Variants in COBL observed in about 807,000 individuals in gnomAD.
The protein encoded by COBL is cordon-bleu WH2 repeat protein.
COBL carries 51 observed loss-of-function variants against 98.8 expected under a neutral mutation model. That is an observed-to-expected ratio of 0.52 (90% CI 0.41 to 0.65). The LOEUF (loss-of-function observed/expected upper bound fraction) is 0.65. Among genes scored for constraint, COBL ranks in the 30% least tolerant of loss-of-function variants. COBL has a pLI of 0.00. For synonymous variants in COBL, 634 were observed against 651.7 expected (o/e 0.97, Z 0.41); for missense variants, 1,617 against 1,617.5 (o/e 1.00, Z 0.01).
chr7:51,308,262 C>T (rs556564667), intron 1 of COBL, among the ~76,000 whole-genome samples: 4 of 152,314 alleles, frequency 2.6e-5, no homozygotes, highest in East Asian at 3.9e-4. Flanking sequence ...GTATACACTT[C>T]GGCTGCATTA....
chr7:51,199,739 A>G (rs996049741), intron 2 of COBL, among the ~76,000 whole-genome samples: 1 of 152,050 alleles, frequency 6.6e-6, no homozygotes, highest in Admixed American at 6.5e-5. Flanking sequence ...AAAAAGAATC[A>G]GTAAATCTGA....
At chr7:51,268,310 C>T (rs963395476) in intron 1 of COBL, among the ~76,000 whole-genome samples, 16 of 152,242 alleles carry the variant, frequency 1.1e-4, no homozygotes, top group African/African-American at 1.9e-4. Flanking sequence ...ATCAATGCAC[C>T]CTGCACCATG....
chr7:51,023,255 A>C (rs775342686), intron 12 of COBL, among the ~76,000 whole-genome samples: 1 of 152,192 alleles, frequency 6.6e-6, no homozygotes, highest in Non-Finnish European at 1.5e-5. Flanking sequence ...ATCAACACAT[A>C]AATTCCACAG....
At chr7:51,216,453 G>A (rs1006974395) in intron 2 of COBL, among the ~76,000 whole-genome samples, 2 of 152,156 alleles carry the variant, frequency 1.3e-5, no homozygotes, top group Admixed American at 6.6e-5. Context: ...TTACAGGCAT[G>A]AGCCACTGCA....
chr7:51,164,095 T>C (rs893945547), intron 5 of COBL, among the ~76,000 whole-genome samples: 1 of 152,234 alleles, frequency 6.6e-6, no homozygotes, highest in African/African-American at 2.4e-5. Context: ...GAGTTTTATC[T>C]CTTTCCTTTA....
At position 51,025,141 on chromosome 7, in the gene COBL, G is replaced by C. The variant is rs370542629; in HGVS notation, c.3736C>G (p.Arg1246Gly). Reference protein sequence around the residue: ...DARQALMDAIRSGTGAARLRK... With the variant: ...DARQALMDAIGSGTGAARLRK... ...AGTCTCGCAGCCCCTGTGCCGGAGC[G>C]GATGGCGTCCATCAAGGCTTGCCTT... The change falls in exon 12 of 13, where the codon CGC becomes GGC. Residue 1246 changes from arginine (R) to glycine (G), a missense_variant. By Grantham distance (125) the Arg-to-Gly change is moderately radical. Around this residue, in one of 3 missense-constraint regions of COBL, gnomAD observed 1,304 missense variants for 1,282.0 expected, o/e 1.02. Transcript: ENST00000265136. 4 of 1,611,776 alleles carry C rather than the reference G, an allele frequency of 2.5e-6. No individual in the cohort carries two copies. In the African/African-American group the frequency reaches 5.3e-5, roughly 22 times the overall value.
intron 6 of COBL, among the ~76,000 whole-genome samples, chr7:51,113,131 C>T (rs141078015): frequency 1.3e-5 from 2 of 152,290 alleles, no homozygotes; most frequent in East Asian, 3.9e-4. Context: ...AATAGACTTC[C>T]ACCCAGGATG....
chr7:51,065,799 T>C (rs1791864907), intron 7 of COBL, among the ~76,000 whole-genome samples: 1 of 152,234 alleles, frequency 6.6e-6, no homozygotes, highest in African/African-American at 2.4e-5. Flanking sequence ...ATTATTAGGA[T>C]AAGGTCTTTT....
intron 1 of COBL, among the ~76,000 whole-genome samples, chr7:51,268,901 G>A (rs1383156399): frequency 6.8e-6 from 1 of 146,602 alleles, no homozygotes; most frequent in Non-Finnish European, 1.5e-5. Flanking sequence ...TTGCACTCCA[G>A]CCTGGGTGAC....
At position 51,043,686 on chromosome 7, in the gene COBL, A is replaced by C; in HGVS notation, c.1103T>G (p.Leu368Arg). Residue 368 changes from leucine to arginine, a missense_variant, in exon 8 of 13, where the codon CTG (leucine) becomes CGG (arginine). Leu to Arg is a moderately radical substitution (Grantham distance 102, BLOSUM62 -2). This residue lies in a region of COBL where 1,304 missense variants were observed against 1,282.0 expected (regional missense o/e 1.02). Transcript: ENST00000265136. ...GCAGTGGCTGCCAGACCCCAGGGGC[A>C]GGCTTACTGGACAAGACACGGCAAG... ...EENRKSTMVS[L>R]PLGSGSHCSP... 6.2e-7 allele frequency: 1 copy of C among 1,612,984 alleles called. No individual in the cohort carries two copies. The highest frequency in any genetic ancestry group is 8.5e-7 in the Non-Finnish European group (1 of 1,179,756).
In COBL at chr7:51,154,684, G is replaced by A. The variant is rs139662748; in HGVS notation, c.784-18353C>T. Among the ~76,000 whole-genome samples the A allele has an allele frequency of 3.8e-3, 573 of 152,310 alleles. 2 individuals carry two copies. Among genetic ancestry groups the A allele is most frequent in the Non-Finnish European group, 6.5e-3 (441 of 68,020 alleles). On this transcript the variant is annotated intron_variant, in intron 5 of 12. Coordinates refer to ENST00000265136, the MANE Select transcript of COBL (RefSeq NM_015198.5). ...CACATCCCAATCCCAACCTAAAGGT[G>A]TGGAGCCAGCAGGTAAGAGGAGAGG...
At chr7:51,068,480 G>A (rs1280266267) in intron 7 of COBL, among the ~76,000 whole-genome samples, 5 of 152,114 alleles carry the variant, frequency 3.3e-5, no homozygotes, top group African/African-American at 1.2e-4. Context: ...CCTATATTTT[G>A]CTAACTTTCC....
chr7:51,246,548 G>A (rs994244303), intron 1 of COBL, among the ~76,000 whole-genome samples: 2 of 152,196 alleles, frequency 1.3e-5, no homozygotes, highest in Non-Finnish European at 1.5e-5. Flanking sequence ...GTCAGCCCCC[G>A]TGAGGTGGAG....
intron 1 of COBL, among the ~76,000 whole-genome samples, chr7:51,266,116 A>G (rs1195819740): frequency 6.6e-6 from 1 of 152,234 alleles, no homozygotes; most frequent in Non-Finnish European, 1.5e-5. Context: ...AAACATTTTA[A>G]TTTTGTAAGA....
chr7:51,022,020 T>C (rs1404091100), intron 12 of COBL, among the ~76,000 whole-genome samples: 2 of 152,106 alleles, frequency 1.3e-5, no homozygotes, highest in Admixed American at 6.5e-5. Flanking sequence ...GATCACCCAA[T>C]TCCTGCCCTC....
At chr7:51,264,260 T>A (rs1342619448) in intron 1 of COBL, among the ~76,000 whole-genome samples, 1 of 152,166 alleles carries the variant, frequency 6.6e-6, no homozygotes, top group Non-Finnish European at 1.5e-5. Context: ...TCAAACGTTC[T>A]TCCTTTAGGG....
intron 1 of COBL, among the ~76,000 whole-genome samples, chr7:51,310,332 T>C (rs187698769): frequency 8.6e-4 from 131 of 152,294 alleles, no homozygotes; most frequent in Non-Finnish European, 2.2e-4. Flanking sequence ...CAATTTCACC[T>C]TGGACAACTG....
chr7:51,241,842 T>G (rs758269), intron 1 of COBL, among the ~76,000 whole-genome samples: 58,735 of 151,738 alleles, frequency 0.39, 11,808 homozygotes, highest in Non-Finnish European at 0.44. Context: ...CAGGGAGGAG[T>G]CCTCTCACAT....
In COBL at chr7:51,205,652, T is replaced by G. The variant is rs1168759048; in HGVS notation, c.246-12063A>C. On this transcript the variant is annotated intron_variant, in intron 2 of 12. Coordinates refer to ENST00000265136, the MANE Select transcript of COBL (RefSeq NM_015198.5). ...TTTTTGTTTTTTGGTTTTTTGTTTT[T>G]TTTTTTTTTACAGATATGACACTAA... 4.6e-5 allele frequency among the ~76,000 whole-genome samples: 7 copies of G among 150,838 alleles called. No homozygotes were observed. The East Asian group carries it at 1.2e-3, about 25-fold the overall frequency.
Sources: allele counts gnomAD v4.1 joint callset (sites outside exome capture counted in the v4.1 genomes callset), GRCh38; gene constraint gnomAD v4.1.1; regional missense constraint gnomAD v4.1.1; transcripts MANE v1.5; gene names NCBI Gene and HGNC (gene_info 2026-07-23, HGNC 2026-07-21).